Variants in PCDH15 observed in about 807,000 individuals in gnomAD.
PCDH15 encodes the protein protocadherin-15.
Under a neutral mutation model 178.5 loss-of-function variants are expected in PCDH15, and 129 were observed. The ratio of observed to expected loss-of-function variants is 0.72; its 90% CI spans 0.63 to 0.84. The LOEUF is 0.84. Among genes scored for constraint, PCDH15 ranks in the 40% least tolerant of loss-of-function variants. PCDH15 has a pLI of 0.00. For missense variants in PCDH15, 2,230 were observed against 2,099.9 expected, an observed-to-expected ratio of 1.06 and a Z score of -1.21; for synonymous variants, 800 against 732.0, an observed-to-expected ratio of 1.09 and a Z score of -1.50.
intron 2 of PCDH15, among the ~76,000 whole-genome samples, chr10:54,658,083 A>G (rs2094437992): frequency 6.6e-6 from 1 of 152,194 alleles, no homozygotes; most frequent in Non-Finnish European, 1.5e-5. Context: ...TGTCACACAA[A>G]TATAAAGAAA....
At chr10:55,509,815 A>C (rs2132149996) in intron 2 of PCDH15, among the ~76,000 whole-genome samples, 1 of 152,070 alleles carries the variant, frequency 6.6e-6, no homozygotes, top group Middle Eastern at 3.4e-3. Context: ...AGCATTATTT[A>C]TGATTCTTAA....
intron 13 of PCDH15, among the ~76,000 whole-genome samples, chr10:54,160,508 G>A (rs900123978): frequency 1.3e-5 from 2 of 151,850 alleles, no homozygotes; most frequent in African/African-American, 4.8e-5. Flanking sequence ...GAATTTGGTT[G>A]GCAAATTTTC....
intron 2 of PCDH15, chr10:54,600,535 G>C: frequency 3.5e-6 from 2 of 577,770 alleles, no homozygotes; most frequent in South Asian, 2.7e-5. Context: ...GAGGGAGATG[G>C]TGCTACCAAA....
intron 13 of PCDH15, among the ~76,000 whole-genome samples, chr10:54,178,274 C>A (rs2133733780): frequency 6.6e-6 from 1 of 151,982 alleles, no homozygotes; most frequent in Non-Finnish European, 1.5e-5. Flanking sequence ...AGAGTATATT[C>A]TATACAAGAT....
chr10:54,589,231 C>G (rs547835048), intron 2 of PCDH15, among the ~76,000 whole-genome samples: 46 of 152,272 alleles, frequency 3.0e-4, no homozygotes, highest in Admixed American at 7.2e-4. Flanking sequence ...ATTTATTGTA[C>G]TCTAGTTGTG....
intron 3 of PCDH15, among the ~76,000 whole-genome samples, chr10:54,848,834 G>A (rs1953559236): frequency 6.6e-6 from 1 of 152,096 alleles, no homozygotes. Context: ...TCAGCAGAGA[G>A]GCTAGATGAG....
chr10:55,541,589 T>C (rs1375938050), intron 2 of PCDH15, among the ~76,000 whole-genome samples: 1 of 151,966 alleles, frequency 6.6e-6, no homozygotes, highest in African/African-American at 2.4e-5. Flanking sequence ...AAAACTTATA[T>C]TTGTCATGCT....
chr10:54,883,484 C>T lies in PCDH15; in HGVS notation c.-29+13966G>A, dbSNP rs756472879. Among the ~76,000 whole-genome samples the T allele has an allele frequency of 1.2e-3, 182 of 151,902 alleles. 3 individuals carry two copies. The highest frequency in any genetic ancestry group is 3.4e-4 in the Non-Finnish European group (23 of 67,884). On this transcript the variant is annotated intron_variant, in intron 3 of 5. Transcript: ENST00000458638. ...AGTTTGGAGAATTTCCTCCAGGTGACATGAAAGAGATAAATAATATCTCCA... is the reference window on the plus strand; with the variant it reads ...AGTTTGGAGAATTTCCTCCAGGTGATATGAAAGAGATAAATAATATCTCCA...
intron 18 of PCDH15, among the ~76,000 whole-genome samples, chr10:54,054,170 T>C (rs2093834958): frequency 6.6e-6 from 1 of 152,164 alleles, no homozygotes; most frequent in Non-Finnish European, 1.5e-5. Flanking sequence ...TTTACAGATA[T>C]ATGTCTATTT....
intron 2 of PCDH15, chr10:54,619,052 T>C (rs2093275339): frequency 6.6e-6 from 1 of 152,070 alleles, no homozygotes. Flanking sequence ...TGTTCCCTTT[T>C]GCATAGAGAA....
intron 3 of PCDH15, chr10:54,452,572 T>C (rs2076546372): frequency 1.3e-5 from 2 of 152,098 alleles, no homozygotes; most frequent in African/African-American, 4.8e-5. Context: ...AAGAGAATCC[T>C]AGGACTAAAG....
At chr10:55,575,381 T>C (rs539678196) in intron 2 of PCDH15, among the ~76,000 whole-genome samples, 5 of 152,086 alleles carry the variant, frequency 3.3e-5, no homozygotes, top group Admixed American at 6.6e-5. Context: ...ACCCAACACA[T>C]AAAATTTTGC....
chr10:53,894,738 T>G (rs2081834109), intron 26 of PCDH15, among the ~76,000 whole-genome samples: 1 of 152,142 alleles, frequency 6.6e-6, no homozygotes, highest in African/African-American at 2.4e-5. Flanking sequence ...TAACAGTAAA[T>G]AACACATAAA....
chr10:54,704,643 A>G lies in PCDH15; in HGVS notation c.-28-40353T>C, dbSNP rs547549696. Among the ~76,000 whole-genome samples the G allele has an allele frequency of 1.1e-4, 16 of 152,176 alleles. No homozygotes were observed. In the South Asian group the frequency reaches 2.5e-3, roughly 24 times the overall value. Reference sequence around the variant, plus strand: ...CACAATGAGATACCATCTTACATCAATCAGAATGGTTATTATTAAAAAGTC... The same window carrying G: ...CACAATGAGATACCATCTTACATCAGTCAGAATGGTTATTATTAAAAAGTC... On this transcript the variant is annotated intron_variant, in intron 1 of 37. Transcript: ENST00000644397.
At chr10:54,329,066 C>T (rs1938817093) in intron 7 of PCDH15, among the ~76,000 whole-genome samples, 1 of 151,820 alleles carries the variant, frequency 6.6e-6, no homozygotes. Flanking sequence ...TTAGCATAAA[C>T]TTCAGTTATG....
chr10:53,815,756 T>A (rs2076038648), intron 35 of PCDH15, among the ~76,000 whole-genome samples: 1 of 151,840 alleles, frequency 6.6e-6, no homozygotes, highest in African/African-American at 2.4e-5. Context: ...ATACAAAAAA[T>A]ATCTTTTTCA....
At chr10:54,056,687 C>T (rs980841098) in intron 18 of PCDH15, among the ~76,000 whole-genome samples, 3 of 152,142 alleles carry the variant, frequency 2.0e-5, no homozygotes, top group African/African-American at 7.2e-5. Flanking sequence ...TCCCAAATCC[C>T]ATGTCCTCAC....
intron 2 of PCDH15, among the ~76,000 whole-genome samples, chr10:55,435,976 C>T (rs1387130574): frequency 6.6e-6 from 1 of 152,060 alleles, no homozygotes; most frequent in East Asian, 1.9e-4. Context: ...TGTTGATACT[C>T]TAAAATAACA....
chr10:54,111,851 G>T (rs990586808), intron 15 of PCDH15, among the ~76,000 whole-genome samples: 4 of 151,846 alleles, frequency 2.6e-5, no homozygotes, highest in South Asian at 2.1e-4. Context: ...TCTTGGCCAG[G>T]CGTGGTGGCT....
Sources: gnomAD v4.1 joint callset for allele counts (sites outside exome capture counted in the v4.1 genomes callset) on GRCh38, gnomAD v4.1.1 for gene constraint, MANE v1.5 for transcripts, NCBI Gene and HGNC (gene_info 2026-07-23, HGNC 2026-07-21) for gene names.